The following TSPAN2 variants were observed in gnomAD, a reference collection of about 807,000 sequenced individuals.
The protein encoded by TSPAN2 is tetraspanin 2.
In TSPAN2, 24 loss-of-function variants were observed where a neutral mutation model predicts 33.3. That is an observed-to-expected ratio of 0.72 (90% CI 0.52 to 1.01). The LOEUF is 1.01. TSPAN2 is among the 50% of genes least tolerant of loss of function. TSPAN2 has a pLI of 0.00. For missense variants in TSPAN2, 278 were observed against 281.3 expected (o/e 0.99, Z 0.08); for synonymous variants, 114 against 104.5 (o/e 1.09, Z -0.56).
At chr1:115,062,096 TCACCCC>T in intron 3 of TSPAN2, 33 bp downstream of exon 3, 1 of 1,464,388 alleles carries the variant, frequency 6.8e-7, no homozygotes, top group Non-Finnish European at 9.4e-7. Context: ...GGCCGCTCCC[TCACCCC>T]CACCCCACCA....
chr1:115,067,828 C>T (rs1276201299), intron 2 of TSPAN2, among the ~76,000 whole-genome samples: 1 of 152,182 alleles, frequency 6.6e-6, no homozygotes, highest in Non-Finnish European at 1.5e-5. Context: ...CACACAGTCT[C>T]TCCAGTTTTC....
chr1:115,056,365 C>G (rs77405170), intron 6 of TSPAN2, among the ~76,000 whole-genome samples: 2,259 of 152,276 alleles, frequency 0.015, 25 homozygotes, highest in East Asian at 0.046. Flanking sequence ...AACCTGGGCT[C>G]TGTCCTCAAT....
intron 1 of TSPAN2, among the ~76,000 whole-genome samples, chr1:115,088,406 C>G (rs536951173): frequency 1.3e-5 from 2 of 152,144 alleles, no homozygotes; most frequent in Non-Finnish European, 2.9e-5. Flanking sequence ...TCTAGCTGAG[C>G]AGTTACACTG....
intron 6 of TSPAN2, among the ~76,000 whole-genome samples, chr1:115,054,675 G>A (rs566644719): frequency 1.9e-4 from 29 of 152,274 alleles, no homozygotes; most frequent in Middle Eastern, 3.4e-3. Flanking sequence ...GAGCCAAAGA[G>A]GTGCCCTTCT....
chr1:115,079,987 G>A (rs956967526), intron 1 of TSPAN2, among the ~76,000 whole-genome samples: 1 of 152,212 alleles, frequency 6.6e-6, no homozygotes, highest in Non-Finnish European at 1.5e-5. Flanking sequence ...ATACATTTGT[G>A]CCAGATGCAC....
intron 1 of TSPAN2, among the ~76,000 whole-genome samples, chr1:115,081,307 A>G (rs1271265066): frequency 6.6e-6 from 1 of 152,168 alleles, no homozygotes; most frequent in African/African-American, 2.4e-5. Context: ...GATGAGTGAC[A>G]GCAACTTCCA....
At chr1:115,066,147 G>A (rs1380949264) in intron 2 of TSPAN2, among the ~76,000 whole-genome samples, 2 of 152,162 alleles carry the variant, frequency 1.3e-5, no homozygotes, top group African/African-American at 2.4e-5. Context: ...CCATCCATCT[G>A]CTGATGGACA....
In TSPAN2 at chr1:115,070,100, G is replaced by A. The variant is rs59738490; in HGVS notation, c.172+2805C>T. Among the ~76,000 whole-genome samples, 631 of 152,228 alleles carry A rather than the reference G, an allele frequency of 4.1e-3. 6 individuals are homozygous for A. The highest frequency in any genetic ancestry group is 0.014 in the African/African-American group (580 of 41,536). ...GGAGGTCTTCCATCTGTAGCGCCAC[G>A]CAACGGCCCCTCCCTCTGATGGAGC... is the stretch of plus-strand genomic sequence containing the variant. On this transcript the variant is annotated intron_variant, in intron 2 of 7. Transcript: ENST00000369516.
chr1:115,056,278 A>G (rs1647419657), intron 6 of TSPAN2, among the ~76,000 whole-genome samples: 1 of 152,050 alleles, frequency 6.6e-6, no homozygotes, highest in African/African-American at 2.4e-5. Flanking sequence ...GACTTTTGTA[A>G]ACTTTCTTTC....
chr1:115,056,436 G>A (rs994201147), intron 6 of TSPAN2, among the ~76,000 whole-genome samples: 22 of 152,276 alleles, frequency 1.4e-4, no homozygotes, highest in African/African-American at 5.1e-4. Context: ...CAGCTTTTCA[G>A]CAGTTATTAG....
intron 1 of TSPAN2, among the ~76,000 whole-genome samples, chr1:115,080,751 G>A (rs960107034): frequency 3.3e-5 from 5 of 152,132 alleles, no homozygotes; most frequent in African/African-American, 4.8e-5. Flanking sequence ...CCTCATCAAG[G>A]GGATAAGCCC....
chr1:115,055,783 A>G (rs1430306385), intron 6 of TSPAN2, among the ~76,000 whole-genome samples: 1 of 152,172 alleles, frequency 6.6e-6, no homozygotes, highest in Non-Finnish European at 1.5e-5. Context: ...CTGCCTCCCT[A>G]AGTGCTAGGA....
intron 5 of TSPAN2, 91 bp from the exon 6 acceptor site, chr1:115,057,699 G>A (rs112021720): frequency 2.9e-5 from 35 of 1,227,034 alleles, no homozygotes; most frequent in African/African-American, 1.3e-4. Context: ...GTGCCGAGGC[G>A]GCAAAGCAGC....
intron 5 of TSPAN2, 130 bp downstream of exon 5, chr1:115,058,753 G>C (rs1344832038): frequency 2.5e-6 from 2 of 796,706 alleles, no homozygotes; most frequent in Non-Finnish European, 4.3e-6. Flanking sequence ...CCCTCAAAAG[G>C]GCTAAAATAG....
At chr1:115,076,338 T>C (rs548789080) in intron 1 of TSPAN2, among the ~76,000 whole-genome samples, 6 of 152,248 alleles carry the variant, frequency 3.9e-5, no homozygotes, top group African/African-American at 1.4e-4. Flanking sequence ...ACTCGGCTTC[T>C]ACTTTGTTTG....
chr1:115,052,469 C>G (rs187695458), intron 7 of TSPAN2, among the ~76,000 whole-genome samples: 1 of 152,210 alleles, frequency 6.6e-6, no homozygotes, highest in Non-Finnish European at 1.5e-5. Flanking sequence ...TCCCTCCAAC[C>G]TTTCCTCTAT....
At chr1:115,078,827 C>T (rs1265832908) in intron 1 of TSPAN2, among the ~76,000 whole-genome samples, 3 of 152,216 alleles carry the variant, frequency 2.0e-5, no homozygotes, top group Non-Finnish European at 2.9e-5. Context: ...GAACAACCTC[C>T]TTCACAAGTC....
intron 3 of TSPAN2, among the ~76,000 whole-genome samples, chr1:115,061,319 C>T (rs1308582764): frequency 1.3e-5 from 2 of 152,194 alleles, no homozygotes; most frequent in Admixed American, 1.3e-4. Context: ...CCTCCTGCCC[C>T]TCTTCTTCCT....
intron 1 of TSPAN2, among the ~76,000 whole-genome samples, chr1:115,081,399 A>G (rs925323119): frequency 6.6e-6 from 1 of 152,210 alleles, no homozygotes; most frequent in African/African-American, 2.4e-5. Context: ...TACGATGTGG[A>G]GGACAGAGCT....
Sources: allele counts gnomAD v4.1 joint callset (sites outside exome capture counted in the v4.1 genomes callset), GRCh38; gene constraint gnomAD v4.1.1; transcripts MANE v1.5; gene names NCBI Gene and HGNC (gene_info 2026-07-23, HGNC 2026-07-21).